CNTNAP3B: variants seen among roughly 807,000 people sequenced by gnomAD.
CNTNAP3B encodes contactin associated protein family member 3B.
Under a neutral mutation model 108.9 loss-of-function variants are expected in CNTNAP3B, and 25 were observed. The ratio of observed to expected loss-of-function variants is 0.23; its 90% CI spans 0.17 to 0.32. CNTNAP3B has a LOEUF of 0.32. Ranked by LOEUF, CNTNAP3B falls within the 10% of genes least tolerant of loss-of-function variation. The probability of loss-of-function intolerance (pLI) is 1.00; values close to 1 mark genes in which losing one functional copy is unlikely to be tolerated. For missense variants in CNTNAP3B, 252 were observed against 1,210.4 expected (o/e 0.21, Z 11.75); for synonymous variants, 103 against 473.4 (o/e 0.22, Z 10.16).
At chr9:41,925,544 G>A (rs1823792844) in intron 15 of CNTNAP3B, among the ~76,000 whole-genome samples, 1 of 152,290 alleles carries the variant, frequency 6.6e-6, no homozygotes, top group Non-Finnish European at 1.5e-5. Context: ...AGTGAGCCGA[G>A]ATCCTGCCAC....
At chr9:42,044,870 A>G (rs1826839796) in intron 3 of CNTNAP3B, among the ~76,000 whole-genome samples, 1 of 118,452 alleles carries the variant, frequency 8.4e-6, no homozygotes, top group Non-Finnish European at 1.8e-5. Flanking sequence ...ATCCTGAGCA[A>G]TATAAAACCT....
chr9:42,051,850 C>A (rs1481078397), intron 3 of CNTNAP3B, among the ~76,000 whole-genome samples: 1 of 152,108 alleles, frequency 6.6e-6, no homozygotes, highest in Admixed American at 6.5e-5. Flanking sequence ...CGTTCCTAAA[C>A]CTGAATTTAT....
intron 2 of CNTNAP3B, among the ~76,000 whole-genome samples, chr9:42,094,309 G>A (rs1271899172): frequency 2.3e-5 from 3 of 132,390 alleles, no homozygotes; most frequent in South Asian, 5.0e-4. Flanking sequence ...TATAGCCAGA[G>A]AACTAAGAAT....
rs1171614216 is a variant in CNTNAP3B at position 42,116,944 on chromosome 9, G to C, written c.85+12066C>G. The stretch of plus-strand genomic sequence containing the variant: ...AGACAAAGAAGGCCATTACATAATT[G>C]TAAAGGGATCAATTCAACAAGAAGA... On this transcript the variant is annotated intron_variant, in intron 1 of 23. Transcript: ENST00000377561. 2.9e-5 allele frequency among the ~76,000 whole-genome samples: 4 copies of C among 139,442 alleles called. 1 individual carries two copies. The East Asian group carries it at 8.7e-4, about 30-fold the overall frequency. The allele number at this position is 139,442 out of a possible 152,430, so 91.5% of individuals were successfully genotyped here. A position where few individuals can be genotyped will look rare whatever the true frequency, so the allele number is the denominator to read the frequency against.
In CNTNAP3B at chr9:42,095,976, C is replaced by A. The variant is rs1490467265; in HGVS notation, c.196+8653G>T. Among the ~76,000 whole-genome samples, 13 of 138,458 alleles carry A rather than the reference C, an allele frequency of 9.4e-5. 3 individuals are homozygous for A. The highest frequency in any genetic ancestry group is 2.2e-4 in the Admixed American group (3 of 13,946). 90.8% of individuals were successfully genotyped at this position (138,458 alleles called of 152,430 possible). ...CAGGCTGGGACAGTGCTCTCCACAACGTTTTGGTGACCCTTTCTCCTCCCT... is the reference window on the plus strand; with the variant it reads ...CAGGCTGGGACAGTGCTCTCCACAAAGTTTTGGTGACCCTTTCTCCTCCCT... On this transcript the variant is annotated intron_variant, in intron 2 of 23. Coordinates refer to ENST00000377561, the MANE Select transcript of CNTNAP3B (RefSeq NM_001201380.3).
chr9:42,071,843 G>A lies in CNTNAP3B; in HGVS notation c.390+5026C>T, dbSNP rs563823160. 6.0e-4 allele frequency among the ~76,000 whole-genome samples: 89 copies of A among 149,084 alleles called. No individual in the cohort carries two copies. The South Asian group carries it at 0.014, about 24-fold the overall frequency. ...GAATGGAAGTCATTGGTAACTCCAC[G>A]CATATTGGCTCAAGCCAACAATTGG... On this transcript the variant is annotated intron_variant, in intron 3 of 23. Transcript: ENST00000377561.
chr9:41,939,763 G>A lies in CNTNAP3B; in HGVS notation c.2081-1363C>T, dbSNP rs1482159737. Among the ~76,000 whole-genome samples, 44 of 152,312 alleles carry A rather than the reference G, an allele frequency of 2.9e-4. 1 individual carries two copies. Among genetic ancestry groups the A allele is most frequent in the South Asian group, 1.2e-3 (6 of 4,818 alleles). ...AATCTCCCATATTCCCCATAAAGTAGTAAAAATGTATTTTTTTAGAAACAG... is the reference window on the plus strand; with the variant it reads ...AATCTCCCATATTCCCCATAAAGTAATAAAAATGTATTTTTTTAGAAACAG... On this transcript the variant is annotated intron_variant, in intron 13 of 23. Coordinates refer to ENST00000377561, the MANE Select transcript of CNTNAP3B (RefSeq NM_001201380.3).
At chr9:41,925,028 C>T (rs1179143125) in intron 15 of CNTNAP3B, among the ~76,000 whole-genome samples, 1 of 151,834 alleles carries the variant, frequency 6.6e-6, no homozygotes. Flanking sequence ...CTGATAAGCC[C>T]ATCACTGGTC....
At position 42,035,685 on chromosome 9, in the gene CNTNAP3B, T is replaced by C. The variant is rs549071305; in HGVS notation, c.391-22160A>G. 3.3e-5 allele frequency among the ~76,000 whole-genome samples: 5 copies of C among 151,098 alleles called. No individual in the cohort carries two copies. In the East Asian group the frequency reaches 9.7e-4, roughly 29 times the overall value. The stretch of plus-strand genomic sequence containing the variant: ...ATTTTTTATTGTTTTAGAGACAGGG[T>C]TTCATTCTATCACCCAGGCTGGAAT... On this transcript the variant is annotated intron_variant, in intron 3 of 23. Coordinates refer to ENST00000377561, the MANE Select transcript of CNTNAP3B (RefSeq NM_001201380.3).
chr9:41,917,874 A>G (rs1266432203), intron 18 of CNTNAP3B, among the ~76,000 whole-genome samples: 1 of 151,638 alleles, frequency 6.6e-6, no homozygotes, highest in Non-Finnish European at 1.5e-5. Flanking sequence ...TCTTGGCTAT[A>G]TCCATATAGA....
intron 18 of CNTNAP3B, among the ~76,000 whole-genome samples, chr9:41,915,726 A>G (rs1327227802): frequency 6.9e-6 from 1 of 144,884 alleles, no homozygotes; most frequent in Non-Finnish European, 1.5e-5. Flanking sequence ...TTTTTTCAGC[A>G]ACAATTAAGA....
Position 41,923,945 on chromosome 9 carries a change from G to A in CNTNAP3B, c.2514C>T (p.Asp838=), listed in dbSNP as rs1259238342. Residue 838 remains aspartate (D), a synonymous_variant, in exon 16 of 24, where the codon GAC becomes GAT. Transcript: ENST00000377561. ...TACCCCGCAGCTCAATCCTGATGAAGTCTGTGATCCCCAGGTTCTCCATAA... is the reference window on the plus strand; with the variant it reads ...TACCCCGCAGCTCAATCCTGATGAAATCTGTGATCCCCAGGTTCTCCATAA... ...GVFMENLGIT[D]FIRIELRAPT... is the part of the protein sequence containing the mutation. 771 of 1,610,394 alleles carry A rather than the reference G, an allele frequency of 4.8e-4. No individual in the cohort carries two copies. The East Asian group carries it at 5.1e-3, about 11-fold the overall frequency.
chr9:41,959,800 A>T (rs1476658567), intron 12 of CNTNAP3B, among the ~76,000 whole-genome samples: 1 of 152,302 alleles, frequency 6.6e-6, no homozygotes, highest in African/African-American at 2.4e-5. Flanking sequence ...TTGCTGACCC[A>T]TTTGGTTATT....
intron 17 of CNTNAP3B, among the ~76,000 whole-genome samples, chr9:41,921,011 C>G (rs1180886777): frequency 1.3e-5 from 2 of 152,404 alleles, no homozygotes; most frequent in East Asian, 3.9e-4. Context: ...ATTATGAAGG[C>G]GACAATTCTC....
chr9:41,919,603 GC>G (rs1823613911), intron 18 of CNTNAP3B, among the ~76,000 whole-genome samples: 1 of 152,414 alleles, frequency 6.6e-6, no homozygotes, highest in South Asian at 2.1e-4. Context: ...TTCTATAAAG[GC>G]CTTTTGAATC....
At chr9:41,945,067 T>C (rs1388854245) in intron 13 of CNTNAP3B, among the ~76,000 whole-genome samples, 2 of 152,296 alleles carry the variant, frequency 1.3e-5, no homozygotes, top group African/African-American at 4.8e-5. Context: ...CACAATGAGA[T>C]ACCATCTCAC....
At chr9:42,017,144 T>C (rs1826233203) in intron 3 of CNTNAP3B, among the ~76,000 whole-genome samples, 1 of 139,948 alleles carries the variant, frequency 7.1e-6, no homozygotes, top group Non-Finnish European at 1.5e-5. Context: ...GCTGGAAATA[T>C]GTTTCATAAA....
At chr9:41,961,294 A>AC (rs1477557515) in intron 11 of CNTNAP3B, among the ~76,000 whole-genome samples, 1 of 152,306 alleles carries the variant, frequency 6.6e-6, no homozygotes, top group African/African-American at 2.4e-5. Flanking sequence ...TACTTTCTCT[A>AC]CATAAATGTT....
rs868868985 is a variant in CNTNAP3B at position 42,061,478 on chromosome 9, C to A, written c.390+15391G>T. 5.7e-4 allele frequency among the ~76,000 whole-genome samples: 76 copies of A among 133,158 alleles called. 10 individuals are homozygous for A. The highest frequency in any genetic ancestry group is 1.0e-3 in the Non-Finnish European group (64 of 63,160). 87.4% of individuals were successfully genotyped at this position (133,158 alleles called of 152,430 possible). A position where few individuals can be genotyped will look rare whatever the true frequency, so the allele number is the denominator to read the frequency against. On this transcript the variant is annotated intron_variant, in intron 3 of 23. Coordinates refer to ENST00000377561, the MANE Select transcript of CNTNAP3B (RefSeq NM_001201380.3). ...GACAGCAGGCGAGCACCATGCCCAG[C>A]TAATTTTTGTATTTTAGAAGAGATG...
Sources: allele counts gnomAD v4.1 joint callset (sites outside exome capture counted in the v4.1 genomes callset), GRCh38; gene constraint gnomAD v4.1.1; transcripts MANE v1.5; gene names NCBI Gene and HGNC (gene_info 2026-07-23, HGNC 2026-07-21).